The following FARSB variants were observed in gnomAD, a reference collection of about 807,000 sequenced individuals.
FARSB encodes the protein phenylalanyl-tRNA synthetase subunit beta, also known as phenylalanine--tRNA ligase beta subunit.
In FARSB, 40 loss-of-function variants were observed where a neutral mutation model predicts 69.6. That is an observed-to-expected ratio of 0.57 (90% CI 0.45 to 0.75). The LOEUF is 0.75. Among genes scored for constraint, FARSB ranks in the 30% least tolerant of loss-of-function variants. FARSB has a pLI of 0.00. For synonymous variants in FARSB, 235 were observed against 247.2 expected, an observed-to-expected ratio of 0.95 and a Z score of 0.46; for missense variants, 632 against 722.9, an observed-to-expected ratio of 0.87 and a Z score of 1.44.
chr2:222,580,344 T>G (rs1689935463), intron 16 of FARSB, among the ~76,000 whole-genome samples: 1 of 152,100 alleles, frequency 6.6e-6, no homozygotes. Context: ...GAGTCTTTCT[T>G]GGATTACTTC....
intron 16 of FARSB, among the ~76,000 whole-genome samples, chr2:222,598,834 A>G (rs1336324117): frequency 2.0e-5 from 3 of 152,124 alleles, no homozygotes; most frequent in Admixed American, 6.5e-5. Context: ...TCCAAAATCC[A>G]GTTCTAACAT....
chr2:222,634,655 A>AT (rs796680155), intron 5 of FARSB, 114 bp from the exon 6 acceptor site: 17 of 688,250 alleles, frequency 2.5e-5, no homozygotes, highest in Non-Finnish European at 3.3e-5. Flanking sequence ...TAGACTACAT[A>AT]TTTTTTTTAA....
chr2:222,634,652 C>T, intron 5 of FARSB, 111 bp from the exon 6 acceptor site: 2 of 736,188 alleles, frequency 2.7e-6, no homozygotes, highest in Non-Finnish European at 4.1e-6. Flanking sequence ...ATATAGACTA[C>T]ATATTTTTTT....
At chr2:222,605,193 C>CTCTCTCTCTCTCTCTCTG (rs762324554) in intron 15 of FARSB, among the ~76,000 whole-genome samples, 2 of 151,732 alleles carry the variant, frequency 1.3e-5, no homozygotes. Flanking sequence ...CTCTCTCTCT[C>CTCTCTCTCTCTCTCTCTG]TGTGTCTCCC....
At chr2:222,643,079 C>G (rs1574952086) in intron 2 of FARSB, 74 bp from the exon 3 acceptor site, 2 of 840,044 alleles carry the variant, frequency 2.4e-6, no homozygotes, top group East Asian at 5.4e-5. Flanking sequence ...GTTGTCAGCC[C>G]TATAAGGCAG....
intron 4 of FARSB, 84 bp from the exon 5 acceptor site, chr2:222,639,779 T>C (rs1361774860): frequency 2.0e-6 from 1 of 511,806 alleles, no homozygotes; most frequent in African/African-American, 2.0e-5. Context: ...GCTGCATTCT[T>C]GCCACTGGCA....
intron 3 of FARSB, 46 bp downstream of exon 3, chr2:222,642,805 A>C: frequency 6.9e-7 from 1 of 1,455,004 alleles, no homozygotes; most frequent in Non-Finnish European, 9.3e-7. Context: ...AAGGAAAGAA[A>C]AGAAAACCCA....
chr2:222,599,950 T>TC lies in FARSB; in HGVS notation c.1595dup (p.Tyr533IlefsTer35). 3 of 1,601,246 alleles carry TC rather than the reference T, an allele frequency of 1.9e-6. No homozygotes were observed. The highest frequency in any genetic ancestry group is 2.5e-6 in the Non-Finnish European group (3 of 1,177,010). ...TACCTTCTGATGCTTTGATCACATA[T>TC]CCCCCCTTGTCTTCACCAGGAGGCA... On this transcript the variant is annotated frameshift_variant, in exon 16 of 17. Coordinates refer to ENST00000281828, the MANE Select transcript of FARSB (RefSeq NM_005687.5). LOFTEE classifies it high-confidence loss of function.
At chr2:222,619,518 C>T (rs770343320) in intron 14 of FARSB, 127 bp downstream of exon 14, 2 of 598,718 alleles carry the variant, frequency 3.3e-6, no homozygotes, top group Non-Finnish European at 6.1e-6. Flanking sequence ...ATAAACTTAC[C>T]CAAGAAGATA....
At chr2:222,613,406 G>A (rs1690908110) in intron 15 of FARSB, among the ~76,000 whole-genome samples, 1 of 152,186 alleles carries the variant, frequency 6.6e-6, no homozygotes, top group Non-Finnish European at 1.5e-5. Context: ...TTAGCCGGGT[G>A]TGGTGGCACA....
At chr2:222,582,673 C>T (rs1454666217) in intron 16 of FARSB, among the ~76,000 whole-genome samples, 1 of 152,092 alleles carries the variant, frequency 6.6e-6, no homozygotes, top group Non-Finnish European at 1.5e-5. Context: ...GCCTGTAACC[C>T]CAGCACTTTG....
Position 222,633,278 on chromosome 2 carries a change from A to T in FARSB, c.636T>A (p.His212Gln), listed in dbSNP as rs747608641. 9 of 1,557,428 alleles carry T rather than the reference A, an allele frequency of 5.8e-6. No individual in the cohort carries two copies. The highest frequency in any genetic ancestry group is 1.4e-5 in the African/African-American group (1 of 72,350). Reference sequence around the variant, plus strand: ...GATACAGGGGTTTGTTTTCAATGATATGTAAATAATGTTTCAGGTGATTGT... The same window carrying T: ...GATACAGGGGTTTGTTTTCAATGATTTGTAAATAATGTTTCAGGTGATTGT... Reference protein sequence around the residue: ...KTDNHLKHYLHIIENKPLYPV... With the variant: ...KTDNHLKHYLQIIENKPLYPV... Residue 212 changes from histidine (H) to glutamine (Q), a missense_variant, in exon 7 of 17, where the codon CAT becomes CAA. Physicochemically the swap from His to Gln is conservative, Grantham distance 24. Transcript: ENST00000281828.
At chr2:222,593,480 C>A (rs1367089976) in intron 16 of FARSB, among the ~76,000 whole-genome samples, 1 of 152,182 alleles carries the variant, frequency 6.6e-6, no homozygotes, top group African/African-American at 2.4e-5. Context: ...TGTGGCTGAT[C>A]TTTAGAGCTT....
intron 1 of FARSB, among the ~76,000 whole-genome samples, chr2:222,653,445 G>A (rs1192653158): frequency 1.3e-5 from 2 of 151,664 alleles, no homozygotes; most frequent in African/African-American, 4.8e-5. Context: ...AAAAAAAAAG[G>A]TAAGAAACAA....
intron 1 of FARSB, among the ~76,000 whole-genome samples, chr2:222,654,881 T>C (rs1692130263): frequency 6.6e-6 from 1 of 152,136 alleles, no homozygotes. Context: ...AACCAGTTGG[T>C]CCAGCCTTTA....
At chr2:222,607,886 G>A (rs1232401001) in intron 15 of FARSB, among the ~76,000 whole-genome samples, 1 of 151,742 alleles carries the variant, frequency 6.6e-6, no homozygotes, top group Non-Finnish European at 1.5e-5. Context: ...CCTTCTCAAC[G>A]CATGAAGGAA....
In FARSB at chr2:222,588,377, A is replaced by AT. The variant is rs554765695; in HGVS notation, c.1618+11550dup. ...AACATATCTCAAAATAATAAGAGCT[A>AT]TTTATGACAAACTCACAGCCAATAT... is the stretch of plus-strand genomic sequence containing the variant. On this transcript the variant is annotated intron_variant, in intron 16 of 16. Transcript: ENST00000281828. 6.8e-4 allele frequency among the ~76,000 whole-genome samples: 104 copies of AT among 152,354 alleles called. 1 individual carries two copies. Among genetic ancestry groups the AT allele is most frequent in the African/African-American group, 2.4e-3 (100 of 41,586 alleles).
chr2:222,599,131 A>C (rs1212863093), intron 16 of FARSB, among the ~76,000 whole-genome samples: 1 of 152,232 alleles, frequency 6.6e-6, no homozygotes, highest in East Asian at 1.9e-4. Context: ...CTAACTGTTA[A>C]ATAACACTTT....
rs1436786246 is a variant in FARSB, at chr2:222,624,696, G to C, written c.962+18C>G. 1 of 1,551,232 alleles carries C rather than the reference G, an allele frequency of 6.4e-7. No homozygotes were observed. Among genetic ancestry groups the C allele is most frequent in the Non-Finnish European group, 8.8e-7 (1 of 1,133,966 alleles). On this transcript the variant is annotated intron_variant, in intron 11 of 16. Coordinates refer to ENST00000281828, the MANE Select transcript of FARSB (RefSeq NM_005687.5). ...CGTGTACTTTGTTCTTGAATTAAGTGAAGTTTTCAGAGCATACCTGATTCC... is the reference window on the plus strand; with the variant it reads ...CGTGTACTTTGTTCTTGAATTAAGTCAAGTTTTCAGAGCATACCTGATTCC...
Sources: gnomAD v4.1 joint callset for allele counts (sites outside exome capture counted in the v4.1 genomes callset) on GRCh38, gnomAD v4.1.1 for gene constraint, MANE v1.5 for transcripts, NCBI Gene and HGNC (gene_info 2026-07-23, HGNC 2026-07-21) for gene names.